ARSB: variants seen among roughly 807,000 people sequenced by gnomAD.
ARSB encodes the protein arylsulfatase B.
In ARSB, 41 loss-of-function variants were observed where a neutral mutation model predicts 50.9. That is an observed-to-expected ratio of 0.81 (90% CI 0.63 to 1.04). The LOEUF is 1.04. Among genes scored for constraint, ARSB ranks in the 50% least tolerant of loss-of-function variants. The pLI is 0.00. For synonymous variants in ARSB, 269 were observed against 284.8 expected, an observed-to-expected ratio of 0.94 and a Z score of 0.56; for missense variants, 672 against 693.3, an observed-to-expected ratio of 0.97 and a Z score of 0.35.
intron 6 of ARSB, among the ~76,000 whole-genome samples, chr5:78,830,102 A>C (rs2112693222): frequency 6.6e-6 from 1 of 152,350 alleles, no homozygotes; most frequent in African/African-American, 2.4e-5. Flanking sequence ...TAGAACCTTT[A>C]ATCAACTATA....
chr5:78,943,373 C>G (rs337871), intron 4 of ARSB, among the ~76,000 whole-genome samples: 1 of 151,872 alleles, frequency 6.6e-6, no homozygotes, highest in African/African-American at 2.4e-5. Flanking sequence ...TTCCTAGCCT[C>G]GATGGTCTTT....
At chr5:78,873,561 T>C (rs1262251258) in intron 5 of ARSB, among the ~76,000 whole-genome samples, 3 of 132,858 alleles carry the variant, frequency 2.3e-5, no homozygotes, top group Non-Finnish European at 4.7e-5. Flanking sequence ...AGTGGCGGGA[T>C]CTCGGCTCAC....
chr5:78,807,457 A>C (rs1743607127), intron 6 of ARSB, among the ~76,000 whole-genome samples: 1 of 152,170 alleles, frequency 6.6e-6, no homozygotes, highest in Non-Finnish European at 1.5e-5. Context: ...CATACTCCTC[A>C]TTGGAGGGAG....
At position 78,963,911 on chromosome 5, in the gene ARSB, A is replaced by T. The variant is rs569856415; in HGVS notation, c.690+505T>A. ...TGCAAAAGATCTAGAATAGCAAAAT[A>T]TTCTTGTAGGGAGGAAGTACAAGGT... On this transcript the variant is annotated intron_variant, in intron 3 of 7. Coordinates refer to ENST00000264914, the MANE Select transcript of ARSB (RefSeq NM_000046.5). Among the ~76,000 whole-genome samples the T allele has an allele frequency of 1.1e-4, 16 of 152,338 alleles. No individual in the cohort carries two copies. In the East Asian group the frequency reaches 2.5e-3, roughly 24 times the overall value.
At chr5:78,937,716 C>T (rs1191754441) in intron 4 of ARSB, among the ~76,000 whole-genome samples, 1 of 151,528 alleles carries the variant, frequency 6.6e-6, no homozygotes, top group Non-Finnish European at 1.5e-5. Context: ...AATACAAATG[C>T]AAGACCCTTT....
chr5:78,871,474 A>T (rs1747170211), intron 5 of ARSB, among the ~76,000 whole-genome samples: 1 of 150,960 alleles, frequency 6.6e-6, no homozygotes, highest in Non-Finnish European at 1.5e-5. Context: ...AGAGATATAG[A>T]TCAATGGAAC....
rs557468548 is a variant in ARSB, at chr5:78,900,162, G to A, written c.899-14335C>T. 3.3e-5 allele frequency among the ~76,000 whole-genome samples: 5 copies of A among 152,144 alleles called. No homozygotes were observed. In the East Asian group the frequency reaches 9.7e-4, roughly 30 times the overall value. ...CCTAGTCAGCAGTGTGGGAAGACTGGCTAGGGGTTCCTGCCCATGGGAACC... is the reference window on the plus strand; with the variant it reads ...CCTAGTCAGCAGTGTGGGAAGACTGACTAGGGGTTCCTGCCCATGGGAACC... On this transcript the variant is annotated intron_variant, in intron 4 of 7. Transcript: ENST00000264914.
chr5:78,952,327 C>CTTCT (rs141893659), intron 4 of ARSB, among the ~76,000 whole-genome samples: 36 of 150,722 alleles, frequency 2.4e-4, no homozygotes, highest in Admixed American at 3.3e-4. Flanking sequence ...CCCATGCACT[C>CTTCT]TTCTTTCTTT....
At chr5:78,831,982 T>G (rs1744715262) in intron 6 of ARSB, among the ~76,000 whole-genome samples, 1 of 152,188 alleles carries the variant, frequency 6.6e-6, no homozygotes, top group African/African-American at 2.4e-5. Flanking sequence ...ATTATTCATT[T>G]ATTAGCGTGC....
At chr5:78,845,500 G>A (rs950996488) in intron 5 of ARSB, among the ~76,000 whole-genome samples, 3 of 152,032 alleles carry the variant, frequency 2.0e-5, no homozygotes, top group African/African-American at 7.2e-5. Flanking sequence ...CACCAGTGGT[G>A]GATAAGAGTA....
intron 6 of ARSB, among the ~76,000 whole-genome samples, chr5:78,834,645 A>G (rs986402899): frequency 5.3e-5 from 7 of 133,138 alleles, no homozygotes; most frequent in Non-Finnish European, 9.7e-5. Context: ...ATATATATAT[A>G]TGCCACATTT....
intron 1 of ARSB, among the ~76,000 whole-genome samples, chr5:78,978,703 G>T (rs1189383091): frequency 1.3e-5 from 2 of 152,128 alleles, no homozygotes; most frequent in Non-Finnish European, 2.9e-5. Flanking sequence ...ATACGTCTAT[G>T]GTCAATTGAG....
intron 6 of ARSB, among the ~76,000 whole-genome samples, chr5:78,793,037 G>T (rs1451817189): frequency 6.6e-6 from 1 of 152,128 alleles, no homozygotes; most frequent in Non-Finnish European, 1.5e-5. Context: ...TTCTGCCTTG[G>T]GGTCACTGGA....
chr5:78,825,984 T>C (rs1744416892), intron 6 of ARSB, among the ~76,000 whole-genome samples: 2 of 152,164 alleles, frequency 1.3e-5, no homozygotes, highest in Admixed American at 1.3e-4. Context: ...CTCTGACATC[T>C]ATCCAATCTT....
chr5:78,918,037 T>C (rs2112340474), intron 4 of ARSB, among the ~76,000 whole-genome samples: 1 of 152,356 alleles, frequency 6.6e-6, no homozygotes, highest in East Asian at 1.9e-4. Context: ...TTCATTCTAG[T>C]TTTTAACTAT....
At chr5:78,977,167 C>A (rs638060) in intron 1 of ARSB, among the ~76,000 whole-genome samples, 2,973 of 145,288 alleles carry the variant, frequency 0.02, 92 homozygotes, top group African/African-American at 0.076. Context: ...CCACTTCCCC[C>A]CCGCGAGATG....
At chr5:78,814,536 C>CT (rs967715414) in intron 6 of ARSB, among the ~76,000 whole-genome samples, 8 of 150,510 alleles carry the variant, frequency 5.3e-5, no homozygotes, top group South Asian at 2.1e-4. Context: ...AAGGCCCACT[C>CT]TTTTTTTTGA....
Position 78,780,135 on chromosome 5 carries a change from C to T in ARSB, c.*262G>A, listed in dbSNP as rs1488125595. On this transcript the variant is annotated 3_prime_UTR_variant, in exon 8 of 8. Transcript: ENST00000264914. ...GAACTTCCTATTTCAAGTTAAGTTC[C>T]CAGCTGTCCCAAGGCTTAGGAAAGG... 1 of 479,004 alleles carries T rather than the reference C, an allele frequency of 2.1e-6. No homozygotes were observed. Among genetic ancestry groups the T allele is most frequent in the Non-Finnish European group, 3.8e-6 (1 of 262,442 alleles). 29.7% of individuals were successfully genotyped at this position (479,004 alleles called of 1,614,324 possible).
intron 4 of ARSB, among the ~76,000 whole-genome samples, chr5:78,949,250 G>A (rs1224733999): frequency 6.6e-6 from 1 of 152,188 alleles, no homozygotes; most frequent in Non-Finnish European, 1.5e-5. Flanking sequence ...TAAAAATTAT[G>A]CCTTTGCCTT....
Sources: gnomAD v4.1 joint callset for allele counts (sites outside exome capture counted in the v4.1 genomes callset) on GRCh38, gnomAD v4.1.1 for gene constraint, MANE v1.5 for transcripts, NCBI Gene and HGNC (gene_info 2026-07-23, HGNC 2026-07-21) for gene names.